ERC2: variants seen among roughly 807,000 people sequenced by gnomAD.
ERC2 encodes the protein ELKS/RAB6-interacting/CAST family member 2, also known as ERC protein 2.
In ERC2, 42 loss-of-function variants were observed where a neutral mutation model predicts 114.8. The ratio of observed to expected loss-of-function variants is 0.37; its 90% CI spans 0.29 to 0.47. ERC2 has a LOEUF of 0.47. Ranked by LOEUF, ERC2 falls within the 20% of genes least tolerant of loss-of-function variation. The pLI is 0.99. For missense variants in ERC2, 939 were observed against 1,150.7 expected (o/e 0.82, Z 2.66); for synonymous variants, 454 against 425.5 (o/e 1.07, Z -0.82).
intron 1 of ERC2, among the ~76,000 whole-genome samples, chr3:56,460,543 A>T (rs1333464703): frequency 6.6e-6 from 1 of 152,244 alleles, no homozygotes; most frequent in Non-Finnish European, 1.5e-5. Flanking sequence ...AGGTAATATG[A>T]AATGAGCAAT....
intron 5 of ERC2, among the ~76,000 whole-genome samples, chr3:56,143,079 A>T (rs2080953295): frequency 6.6e-6 from 1 of 152,200 alleles, no homozygotes; most frequent in Non-Finnish European, 1.5e-5. Context: ...TTAAAACAGA[A>T]AATCTTCCCT....
chr3:56,136,769 A>G lies in ERC2; in HGVS notation c.1473+2740T>C, dbSNP rs1006835143. ...CCCCCTAAGAGACAGACGTAATTAG[A>G]TAAGTTTCTCCTCTGTTTCCATGTA... On this transcript the variant is annotated intron_variant, in intron 6 of 17. Transcript: ENST00000288221. Among the ~76,000 whole-genome samples, 9 of 152,166 alleles carry G rather than the reference A, an allele frequency of 5.9e-5. No homozygotes were observed. The East Asian group carries it at 1.3e-3, about 23-fold the overall frequency.
intron 3 of ERC2, among the ~76,000 whole-genome samples, chr3:56,213,128 G>A (rs1043536566): frequency 1.3e-5 from 2 of 152,184 alleles, no homozygotes; most frequent in African/African-American, 4.8e-5. Flanking sequence ...TCCAACTGAG[G>A]TACCGGGTTC....
At chr3:55,559,433 G>C (rs1008700401) in intron 17 of ERC2, among the ~76,000 whole-genome samples, 1 of 152,240 alleles carries the variant, frequency 6.6e-6, no homozygotes, top group South Asian at 2.1e-4. Context: ...CAACCTCAGG[G>C]TTCCTACCTC....
intron 2 of ERC2, among the ~76,000 whole-genome samples, chr3:56,426,355 G>A (rs1307028537): frequency 6.6e-6 from 1 of 152,186 alleles, no homozygotes; most frequent in African/African-American, 2.4e-5. Flanking sequence ...CTCCTTTAAG[G>A]TCTCACTTCG....
intron 10 of ERC2, among the ~76,000 whole-genome samples, chr3:55,997,779 T>G (rs2071638662): frequency 6.6e-6 from 1 of 150,540 alleles, no homozygotes; most frequent in Admixed American, 6.6e-5. Flanking sequence ...AAAATTAAAT[T>G]TCATTTAAAA....
chr3:55,638,622 G>A (rs994148096), intron 17 of ERC2, among the ~76,000 whole-genome samples: 125 of 152,188 alleles, frequency 8.2e-4, no homozygotes, highest in African/African-American at 3.0e-3. Context: ...TCTGCTAAAG[G>A]GCACCATAAG....
chr3:55,888,349 C>A, intron 14 of ERC2, 40 bp downstream of exon 14: 1 of 1,611,000 alleles, frequency 6.2e-7, no homozygotes, highest in South Asian at 1.1e-5. Flanking sequence ...TCAAGAGAGG[C>A]TAGAAGAGAG....
At chr3:55,992,326 C>A in intron 10 of ERC2, 76 bp from the exon 11 acceptor site, 1 of 1,279,084 alleles carries the variant, frequency 7.8e-7, no homozygotes, top group Non-Finnish European at 1.1e-6. Flanking sequence ...ACCAATGGTC[C>A]AGAAATTAAC....
chr3:55,855,609 A>C (rs2061755668), intron 14 of ERC2, among the ~76,000 whole-genome samples: 1 of 152,218 alleles, frequency 6.6e-6, no homozygotes, highest in African/African-American at 2.4e-5. Flanking sequence ...AAAATTGAAC[A>C]ATTTCCTCTA....
chr3:56,192,861 C>T (rs953475375), intron 3 of ERC2, among the ~76,000 whole-genome samples: 1 of 152,086 alleles, frequency 6.6e-6, no homozygotes, highest in African/African-American at 2.4e-5. Flanking sequence ...TAACCAAGTC[C>T]ACAGGAAACA....
At chr3:56,073,942 A>G (rs1000893355) in intron 7 of ERC2, among the ~76,000 whole-genome samples, 4 of 152,212 alleles carry the variant, frequency 2.6e-5, no homozygotes, top group African/African-American at 9.6e-5. Flanking sequence ...TTTTCTACAT[A>G]TAACTTATCA....
chr3:55,900,957 T>G (rs908186260), intron 13 of ERC2, among the ~76,000 whole-genome samples: 1 of 152,244 alleles, frequency 6.6e-6, no homozygotes, highest in African/African-American at 2.4e-5. Flanking sequence ...AGTGGTTTAC[T>G]TTTTACCAGG....
At chr3:55,934,994 A>C (rs1391964111) in intron 13 of ERC2, among the ~76,000 whole-genome samples, 4 of 152,242 alleles carry the variant, frequency 2.6e-5, no homozygotes, top group Non-Finnish European at 4.4e-5. Context: ...CATTCTAAGC[A>C]GTGACCTTGG....
intron 12 of ERC2, among the ~76,000 whole-genome samples, chr3:55,956,681 A>T (rs1034550765): frequency 2.1e-4 from 32 of 152,208 alleles, no homozygotes; most frequent in African/African-American, 7.2e-4. Context: ...ACTTAGCTCC[A>T]GGATAAGCCA....
At chr3:55,870,985 T>C (rs1024484025) in intron 14 of ERC2, among the ~76,000 whole-genome samples, 2 of 152,232 alleles carry the variant, frequency 1.3e-5, no homozygotes, top group East Asian at 3.9e-4. Flanking sequence ...TTTGAATCAA[T>C]CCTCTCTAGA....
Position 55,716,622 on chromosome 3 carries a change from CT to C in ERC2, c.2713-17111del, listed in dbSNP as rs563748617. Among the ~76,000 whole-genome samples the C allele has an allele frequency of 2.6e-5, 4 of 152,298 alleles. No homozygotes were observed. In the South Asian group the frequency reaches 8.3e-4, roughly 32 times the overall value. On this transcript the variant is annotated intron_variant, in intron 15 of 17. Coordinates refer to ENST00000288221, the MANE Select transcript of ERC2 (RefSeq NM_015576.3). ...AGCTAAGTCTGTGGCTTCTGATTCC[CT>C]TTTATAGCCCTTGAAATTCTGGAAC...
At chr3:55,759,443 C>G (rs189901500) in intron 14 of ERC2, among the ~76,000 whole-genome samples, 1 of 109,014 alleles carries the variant, frequency 9.2e-6, no homozygotes, top group African/African-American at 3.6e-5. Flanking sequence ...CCAGCTGGGA[C>G]GTTTTAAGTC....
In ERC2 at chr3:55,674,792, C is replaced by T. The variant is rs116354136; in HGVS notation, c.*39+9002G>A. Among the ~76,000 whole-genome samples the T allele has an allele frequency of 7.7e-3, 1,173 of 152,276 alleles. 9 individuals carry two copies. The highest frequency in any genetic ancestry group is 0.027 in the Middle Eastern group (8 of 294). On this transcript the variant is annotated intron_variant, in intron 17 of 17. Coordinates refer to ENST00000288221, the MANE Select transcript of ERC2 (RefSeq NM_015576.3). Reference sequence around the variant, plus strand: ...CTGCATATACACAGTGACTGAGGAACTAAGGAAATGTTTGGGGACTGGCAG... The same window carrying T: ...CTGCATATACACAGTGACTGAGGAATTAAGGAAATGTTTGGGGACTGGCAG...
Sources: allele counts gnomAD v4.1 joint callset (sites outside exome capture counted in the v4.1 genomes callset), GRCh38; gene constraint gnomAD v4.1.1; transcripts MANE v1.5; gene names NCBI Gene and HGNC (gene_info 2026-07-23, HGNC 2026-07-21).